The following HNRNPLL variants were observed in gnomAD, a reference collection of about 807,000 sequenced individuals.
The protein encoded by HNRNPLL is heterogeneous nuclear ribonucleoprotein L-like.
HNRNPLL carries 25 observed loss-of-function variants against 67.1 expected under a neutral mutation model. The observed-to-expected ratio is 0.37, with a 90% CI of 0.27 to 0.52. The LOEUF is 0.52. HNRNPLL is among the 20% of genes least tolerant of loss of function. The probability of loss-of-function intolerance (pLI) is 0.90; values close to 1 mark genes in which losing one functional copy is unlikely to be tolerated. For synonymous variants in HNRNPLL, 267 were observed against 241.7 expected, an observed-to-expected ratio of 1.10 and a Z score of -0.97; for missense variants, 542 against 673.9, an observed-to-expected ratio of 0.80 and a Z score of 2.17.
chr2:38,563,808 T>G lies in HNRNPLL; in HGVS notation c.*374A>C, dbSNP rs956430300. 6.2e-6 allele frequency: 1 copy of G among 161,248 alleles called. No homozygotes were observed. The highest frequency in any genetic ancestry group is 1.3e-5 in the Non-Finnish European group (1 of 74,276). The allele number at this position is 161,248 out of a possible 1,614,324, so 10.0% of individuals were successfully genotyped here. A position where few individuals can be genotyped will look rare whatever the true frequency, so the allele number is the denominator to read the frequency against. On this transcript the variant is annotated 3_prime_UTR_variant, in exon 13 of 13. Coordinates refer to ENST00000449105, the MANE Select transcript of HNRNPLL (RefSeq NM_138394.4). ...CTAAACATATAATAGGAATTCTATA[T>G]TAAAATGCAATACTTTCACCTGCAT...
At chr2:38,587,375 G>A (rs6544169) in intron 2 of HNRNPLL, among the ~76,000 whole-genome samples, 34,612 of 151,968 alleles carry the variant, frequency 0.23, 4,957 homozygotes, top group African/African-American at 0.41. Flanking sequence ...ATTATTTAAC[G>A]TATCTTGCCT....
rs192617758 is a variant in HNRNPLL, at chr2:38,584,218, C to T, written c.547-292G>A. On this transcript the variant is annotated intron_variant, in intron 3 of 12. Coordinates refer to ENST00000449105, the MANE Select transcript of HNRNPLL (RefSeq NM_138394.4). ...TGAGACTTCAAGGCATGCACCACCA[C>T]ACAAGGTTAATTTTTTCGTTTTTTG... is the stretch of plus-strand genomic sequence containing the variant. Among the ~76,000 whole-genome samples, 18 of 152,248 alleles carry T rather than the reference C, an allele frequency of 1.2e-4. No individual in the cohort carries two copies. The East Asian group carries it at 1.4e-3, about 11-fold the overall frequency.
chr2:38,586,123 G>A (rs893386874), intron 2 of HNRNPLL, among the ~76,000 whole-genome samples: 1 of 151,772 alleles, frequency 6.6e-6, no homozygotes, highest in Non-Finnish European at 1.5e-5. Context: ...CCGGGTTCAC[G>A]CCATTCTCTT....
chr2:38,580,625 G>C (rs1007915676), intron 6 of HNRNPLL, among the ~76,000 whole-genome samples: 1 of 152,128 alleles, frequency 6.6e-6, no homozygotes, highest in Non-Finnish European at 1.5e-5. Flanking sequence ...TGATATTGTA[G>C]TTAAGATGTA....
chr2:38,590,669 T>C (rs1177144971), intron 2 of HNRNPLL, among the ~76,000 whole-genome samples: 1 of 152,120 alleles, frequency 6.6e-6, no homozygotes, highest in African/African-American at 2.4e-5. Flanking sequence ...AGGGGGAGCC[T>C]GCGTGAATAC....
chr2:38,568,012 C>T (rs1366642074), intron 12 of HNRNPLL, 187 bp downstream of exon 12: 2 of 506,814 alleles, frequency 3.9e-6, no homozygotes, highest in South Asian at 2.9e-5. Flanking sequence ...TTTTAAGATG[C>T]TAAATTTTAT....
intron 12 of HNRNPLL, among the ~76,000 whole-genome samples, chr2:38,566,869 T>G (rs1573718292): frequency 6.8e-6 from 1 of 146,120 alleles, no homozygotes; most frequent in Non-Finnish European, 1.5e-5. Flanking sequence ...AATAAAAAAG[T>G]GCAACTATAA....
chr2:38,577,661 C>G (rs946281885), intron 6 of HNRNPLL, 129 bp from the exon 7 acceptor site: 15 of 644,096 alleles, frequency 2.3e-5, no homozygotes, highest in Non-Finnish European at 3.4e-5. Flanking sequence ...TCCTGGTTAA[C>G]TTTAAACATC....
At chr2:38,581,651 A>G in intron 6 of HNRNPLL, 1 of 518,866 alleles carries the variant, frequency 1.9e-6, no homozygotes, top group Non-Finnish European at 3.4e-6. Context: ...AGCTGCTTGG[A>G]GAAATGCAAG....
chr2:38,600,038 CG>C, intron 1 of HNRNPLL: 1 of 373,350 alleles, frequency 2.7e-6, no homozygotes, highest in Non-Finnish European at 5.5e-6. Context: ...AACTTCTATC[CG>C]GGGAACGTCT....
intron 4 of HNRNPLL, among the ~76,000 whole-genome samples, chr2:38,582,810 C>T (rs1207865821): frequency 6.6e-6 from 1 of 151,164 alleles, no homozygotes; most frequent in African/African-American, 2.4e-5. Context: ...ATCCCAGCTA[C>T]TTGGGAGGCT....
chr2:38,562,154 GGAAAGA>G lies in HNRNPLL; in HGVS notation c.*2022_*2027del, dbSNP rs1211616295. 2 of 152,138 alleles carry G rather than the reference GGAAAGA, an allele frequency of 1.3e-5. No individual in the cohort carries two copies. The highest frequency in any genetic ancestry group is 2.9e-5 in the Non-Finnish European group (2 of 68,002). The allele number at this position is 152,138 out of a possible 1,614,324, so 9.4% of individuals were successfully genotyped here. On this transcript the variant is annotated 3_prime_UTR_variant, in exon 13 of 13. Coordinates refer to ENST00000449105, the MANE Select transcript of HNRNPLL (RefSeq NM_138394.4). ...CAGAGAAGAATGTTGCCAAGGCTAA[GGAAAGA>G]GAGAGTATTCACAAAGCAAACTTCA...
chr2:38,595,216 G>A (rs1667126547), intron 1 of HNRNPLL, among the ~76,000 whole-genome samples: 1 of 145,552 alleles, frequency 6.9e-6, no homozygotes, highest in Non-Finnish European at 1.5e-5. Context: ...GGAGGTGGAG[G>A]TTGCAGTGAG....
rs1665753126 is a variant in HNRNPLL at position 38,564,060 on chromosome 2, A to G, written c.*122T>C. Reference sequence around the variant, plus strand: ...ACTCAAGGCAAAATATGTTTATTACAGAACAGGATCTTAAAGTAAGCAAGG... The same window carrying G: ...ACTCAAGGCAAAATATGTTTATTACGGAACAGGATCTTAAAGTAAGCAAGG... On this transcript the variant is annotated 3_prime_UTR_variant, in exon 13 of 13. Coordinates refer to ENST00000449105, the MANE Select transcript of HNRNPLL (RefSeq NM_138394.4). 1.4e-6 allele frequency: 1 copy of G among 694,052 alleles called. No homozygotes were observed. The highest frequency in any genetic ancestry group is 1.6e-5 in the South Asian group (1 of 61,962). The allele number at this position is 694,052 out of a possible 1,614,324, so 43.0% of individuals were successfully genotyped here. A position where few individuals can be genotyped will look rare whatever the true frequency, so the allele number is the denominator to read the frequency against.
chr2:38,571,304 A>G (rs188438488), intron 8 of HNRNPLL, among the ~76,000 whole-genome samples: 10 of 152,304 alleles, frequency 6.6e-5, no homozygotes, highest in East Asian at 5.8e-4. Flanking sequence ...CTCTCTCACA[A>G]TATCTTATTT....
At chr2:38,595,382 T>C (rs1006990674) in intron 1 of HNRNPLL, among the ~76,000 whole-genome samples, 1 of 151,510 alleles carries the variant, frequency 6.6e-6, no homozygotes, top group Non-Finnish European at 1.5e-5. Flanking sequence ...ACCACTATCA[T>C]GAGTATAGTG....
chr2:38,582,558 C>T (rs1474074437), intron 4 of HNRNPLL, among the ~76,000 whole-genome samples: 3 of 152,182 alleles, frequency 2.0e-5, no homozygotes, highest in Non-Finnish European at 4.4e-5. Context: ...GATCCGCCCG[C>T]CTCGGCCTCC....
At chr2:38,593,776 T>C (rs1449220383) in intron 1 of HNRNPLL, among the ~76,000 whole-genome samples, 3 of 151,696 alleles carry the variant, frequency 2.0e-5, no homozygotes, top group East Asian at 1.9e-4. Flanking sequence ...AGGCAGAGAA[T>C]TGCTTGAACC....
intron 2 of HNRNPLL, among the ~76,000 whole-genome samples, chr2:38,588,193 A>G (rs1339327619): frequency 6.6e-6 from 1 of 152,176 alleles, no homozygotes; most frequent in African/African-American, 2.4e-5. Flanking sequence ...TAATACAGGT[A>G]CAGAAGTAAA....
Sources: allele counts gnomAD v4.1 joint callset (sites outside exome capture counted in the v4.1 genomes callset), GRCh38; gene constraint gnomAD v4.1.1; transcripts MANE v1.5; gene names NCBI Gene and HGNC (gene_info 2026-07-23, HGNC 2026-07-21).